The following ADAMTS17 variants were observed in gnomAD, a reference collection of about 807,000 sequenced individuals.
ADAMTS17 encodes the protein A disintegrin and metalloproteinase with thrombospondin motifs 17.
In ADAMTS17, 113 loss-of-function variants were observed where a neutral mutation model predicts 141.5. The ratio of observed to expected loss-of-function variants is 0.80; its 90% CI spans 0.69 to 0.93. The LOEUF (loss-of-function observed/expected upper bound fraction) is 0.93, where lower values mean the gene tolerates loss of function less well. Ranked by LOEUF, ADAMTS17 falls within the 40% of genes least tolerant of loss-of-function variation. ADAMTS17 has a pLI of 0.00. For missense variants in ADAMTS17, 1,659 were observed against 1,517.9 expected (o/e 1.09, Z -1.54); for synonymous variants, 768 against 630.6 (o/e 1.22, Z -3.27).
intron 7 of ADAMTS17, among the ~76,000 whole-genome samples, chr15:100,216,638 C>G (rs1013855151): frequency 6.6e-6 from 1 of 152,162 alleles, no homozygotes; most frequent in Non-Finnish European, 1.5e-5. Context: ...CTCACGGAAC[C>G]CTTTTTCCCG....
chr15:100,220,383 C>T (rs1000623166), intron 7 of ADAMTS17, among the ~76,000 whole-genome samples: 4 of 152,124 alleles, frequency 2.6e-5, no homozygotes, highest in South Asian at 2.1e-4. Context: ...TTCCCCCGAA[C>T]GCTTCACTGT....
At chr15:100,163,640 C>T (rs150583700) in intron 8 of ADAMTS17, among the ~76,000 whole-genome samples, 1 of 152,318 alleles carries the variant, frequency 6.6e-6, no homozygotes, top group African/African-American at 2.4e-5. Flanking sequence ...TGCACGCCAC[C>T]ACGCTTGGCT....
chr15:100,005,266 AC>A (rs2061015905), intron 18 of ADAMTS17, among the ~76,000 whole-genome samples: 2 of 151,966 alleles, frequency 1.3e-5, no homozygotes, highest in African/African-American at 4.8e-5. Context: ...GTAACAAATT[AC>A]CCCCAACTTA....
At position 100,146,787 on chromosome 15, in the gene ADAMTS17, T is replaced by C. The variant is rs145987051; in HGVS notation, c.1473+5825A>G. Among the ~76,000 whole-genome samples the C allele has an allele frequency of 9.1e-3, 349 of 38,490 alleles. 8 individuals are homozygous for C. The East Asian group carries it at 0.31, about 34-fold the overall frequency. The allele number at this position is 38,490 out of a possible 152,430, so 25.3% of individuals were successfully genotyped here. A position where few individuals can be genotyped will look rare whatever the true frequency, so the allele number is the denominator to read the frequency against. ...GTGCCTGGGGGTATAGGTCTATAGA[T>C]GGCCCCCCTGGGTGTGGTTGTCTCT... On this transcript the variant is annotated intron_variant, in intron 10 of 21. Coordinates refer to ENST00000268070, the MANE Select transcript of ADAMTS17 (RefSeq NM_139057.4).
intron 6 of ADAMTS17, among the ~76,000 whole-genome samples, chr15:100,259,553 G>A (rs1020585107): frequency 3.3e-5 from 5 of 152,186 alleles, no homozygotes; most frequent in African/African-American, 1.2e-4. Flanking sequence ...GGTCCCTGGT[G>A]CCTGCTACTA....
chr15:100,312,774 C>T (rs1189078042), intron 3 of ADAMTS17, among the ~76,000 whole-genome samples: 1 of 152,146 alleles, frequency 6.6e-6, no homozygotes, highest in Admixed American at 6.5e-5. Flanking sequence ...CAAAGATAGA[C>T]ACAAAAAGGT....
chr15:100,152,849 T>A, intron 9 of ADAMTS17, 87 bp from the exon 10 acceptor site: 1 of 1,522,432 alleles, frequency 6.6e-7, no homozygotes, highest in South Asian at 1.2e-5. Context: ...GAGTTTTCAG[T>A]CACTGAGAAG....
intron 6 of ADAMTS17, among the ~76,000 whole-genome samples, chr15:100,255,754 C>T (rs1170222971): frequency 6.6e-6 from 1 of 152,170 alleles, no homozygotes; most frequent in Non-Finnish European, 1.5e-5. Context: ...AGGCCTCAGT[C>T]TGACAGAAGA....
intron 18 of ADAMTS17, among the ~76,000 whole-genome samples, chr15:100,036,383 C>A (rs754335975): frequency 2.8e-4 from 43 of 152,310 alleles, no homozygotes; most frequent in Non-Finnish European, 5.3e-4. Flanking sequence ...ATAAAGGCAG[C>A]CACTAAACAA....
intron 4 of ADAMTS17, among the ~76,000 whole-genome samples, chr15:100,278,483 A>T (rs2044175007): frequency 6.6e-6 from 1 of 152,188 alleles, no homozygotes; most frequent in African/African-American, 2.4e-5. Context: ...TCCCTGGCCC[A>T]GGTCCCAGGG....
chr15:100,228,922 G>C (rs888631434), intron 7 of ADAMTS17, among the ~76,000 whole-genome samples: 1 of 152,206 alleles, frequency 6.6e-6, no homozygotes, highest in Non-Finnish European at 1.5e-5. Context: ...CCATTGCCCT[G>C]CGGTCCTGTC....
At chr15:100,080,905 T>C (rs1198592874) in intron 15 of ADAMTS17, among the ~76,000 whole-genome samples, 1 of 152,220 alleles carries the variant, frequency 6.6e-6, no homozygotes, top group Non-Finnish European at 1.5e-5. Context: ...TATTATTGTC[T>C]TTATTTGAAG....
intron 14 of ADAMTS17, among the ~76,000 whole-genome samples, chr15:100,108,261 T>C (rs2036531075): frequency 1.3e-5 from 2 of 151,890 alleles, no homozygotes; most frequent in Admixed American, 1.3e-4. Flanking sequence ...AACCTCCGTC[T>C]CCCAGGTTCA....
At chr15:100,045,022 G>T (rs78658877) in intron 18 of ADAMTS17, among the ~76,000 whole-genome samples, 1,706 of 152,114 alleles carry the variant, frequency 0.011, 64 homozygotes, top group East Asian at 0.1. Flanking sequence ...TGGCCAGGCT[G>T]GTCTTGAAAT....
intron 10 of ADAMTS17, among the ~76,000 whole-genome samples, chr15:100,137,473 TG>T (rs1242754274): frequency 2.0e-5 from 3 of 151,646 alleles, no homozygotes; most frequent in Admixed American, 2.0e-4. Flanking sequence ...AGTGAAAGGG[TG>T]GGGCTTGGAG....
At chr15:100,152,479 T>G (rs2039216297) in intron 10 of ADAMTS17, 133 bp downstream of exon 10, 1 of 1,198,316 alleles carries the variant, frequency 8.3e-7, no homozygotes, top group Non-Finnish European at 1.2e-6. Context: ...TGCATATACA[T>G]GTATACCTGT....
intron 20 of ADAMTS17, among the ~76,000 whole-genome samples, chr15:99,985,243 G>C (rs997935707): frequency 1.2e-4 from 18 of 152,190 alleles, no homozygotes; most frequent in Admixed American, 9.8e-4. Flanking sequence ...TGCCTTTCAC[G>C]GGCTGCTCAC....
intron 18 of ADAMTS17, among the ~76,000 whole-genome samples, chr15:100,002,701 G>A (rs1428320927): frequency 6.6e-6 from 1 of 152,112 alleles, no homozygotes; most frequent in Non-Finnish European, 1.5e-5. Context: ...GAGCAATTTG[G>A]AGAAATGGCC....
intron 15 of ADAMTS17, among the ~76,000 whole-genome samples, chr15:100,071,208 T>C (rs887080131): frequency 4.0e-5 from 6 of 150,512 alleles, no homozygotes; most frequent in African/African-American, 1.5e-4. Flanking sequence ...GTTGAATCTC[T>C]GAATAGACCA....
Sources: gnomAD v4.1 joint callset for allele counts (sites outside exome capture counted in the v4.1 genomes callset) on GRCh38, gnomAD v4.1.1 for gene constraint, MANE v1.5 for transcripts, NCBI Gene and HGNC (gene_info 2026-07-23, HGNC 2026-07-21) for gene names.